LUC7L3: variants seen among roughly 807,000 people sequenced by gnomAD.
LUC7L3 encodes the protein luc7-like protein 3.
Under a neutral mutation model 66.8 loss-of-function variants are expected in LUC7L3, and 6 were observed. The ratio of observed to expected loss-of-function variants is 0.09; its 90% CI spans 0.05 to 0.18. The LOEUF is 0.18. LUC7L3 is among the 10% of genes least tolerant of loss of function. The pLI is 1.00. For synonymous variants in LUC7L3, 160 were observed against 174.7 expected (o/e 0.92, Z 0.66); for missense variants, 341 against 531.1 (o/e 0.64, Z 3.52).
intron 9 of LUC7L3, chr17:50,749,292 T>C (rs1413874160): frequency 7.8e-7 from 1 of 1,289,398 alleles, no homozygotes; most frequent in East Asian, 5.5e-5. Flanking sequence ...TCATTGAAGC[T>C]ACCTGTGCAC....
At chr17:50,739,299 C>A (rs1970193188) in intron 2 of LUC7L3, among the ~76,000 whole-genome samples, 1 of 152,156 alleles carries the variant, frequency 6.6e-6, no homozygotes, top group Non-Finnish European at 1.5e-5. Flanking sequence ...TATTTTGAGT[C>A]ATATGTGAAA....
In LUC7L3 at chr17:50,729,600, A is replaced by G. The variant is rs558001883; in HGVS notation, c.100-7360A>G. On this transcript the variant is annotated intron_variant, in intron 1 of 9. Coordinates refer to ENST00000505658, the MANE Select transcript of LUC7L3 (RefSeq NM_016424.5). ...CACACCCACACTCACCCAGACTGGG[A>G]CTTAGGCATGCCAGTTCACCTACCG... 5.3e-5 allele frequency among the ~76,000 whole-genome samples: 8 copies of G among 152,066 alleles called. No homozygotes were observed. In the South Asian group the frequency reaches 1.0e-3, roughly 20 times the overall value.
At chr17:50,737,970 G>A (rs1349899437) in intron 2 of LUC7L3, 2 of 315,694 alleles carry the variant, frequency 6.3e-6, no homozygotes, top group Non-Finnish European at 1.2e-5. Context: ...AGAGCATTAG[G>A]AGCATATTAA....
chr17:50,733,542 C>T (rs937468316), intron 1 of LUC7L3, among the ~76,000 whole-genome samples: 2 of 151,912 alleles, frequency 1.3e-5, no homozygotes, highest in Non-Finnish European at 2.9e-5. Flanking sequence ...GCTGGGACTA[C>T]AGGCGGCCGC....
chr17:50,722,989 AGTG>A (rs1396224891), intron 1 of LUC7L3: 1 of 152,248 alleles, frequency 6.6e-6, no homozygotes, highest in Non-Finnish European at 1.5e-5. Flanking sequence ...AAACAACCAC[AGTG>A]ATGAGGAAAG....
chr17:50,724,991 C>A (rs372185205), intron 1 of LUC7L3, among the ~76,000 whole-genome samples: 23 of 152,014 alleles, frequency 1.5e-4, no homozygotes, highest in African/African-American at 5.3e-4. Context: ...GAACTTTTGA[C>A]AACAAGTGAT....
chr17:50,751,969 T>G lies in LUC7L3; in HGVS notation c.*1308T>G. The G allele has an allele frequency of 3.9e-6, 4 of 1,027,130 alleles. No homozygotes were observed. The highest frequency in any genetic ancestry group is 4.7e-6 in the Non-Finnish European group (4 of 854,538). The allele number at this position is 1,027,130 out of a possible 1,614,324, so 63.6% of individuals were successfully genotyped here. On this transcript the variant is annotated 3_prime_UTR_variant, in exon 10 of 10. Coordinates refer to ENST00000505658, the MANE Select transcript of LUC7L3 (RefSeq NM_016424.5). ...AGTTGATTTGTTGGTGGCATTCCCCTTTTGGGAAAGCAATGTAAGGTTATG... is the reference window on the plus strand; with the variant it reads ...AGTTGATTTGTTGGTGGCATTCCCCGTTTGGGAAAGCAATGTAAGGTTATG...
In LUC7L3 at chr17:50,744,757, A is replaced by T; in HGVS notation, c.637A>T (p.Met213Leu). The T allele has an allele frequency of 6.2e-7, 1 of 1,614,166 alleles. No individual in the cohort carries two copies. The highest frequency in any genetic ancestry group is 1.7e-5 in the Admixed American group (1 of 60,026). ...DAQSRVDDHLMGKQHMGYAKI... is the reference protein window; with the variant it reads ...DAQSRVDDHLLGKQHMGYAKI... Reference sequence around the variant, plus strand: ...CCAGTCCCGGGTAGATGACCATTTGATGGGAAAACAACACATGGGCTATGC... The same window carrying T: ...CCAGTCCCGGGTAGATGACCATTTGTTGGGAAAACAACACATGGGCTATGC... Residue 213 changes from methionine (M) to leucine (L), a missense_variant, in exon 7 of 10, where the codon ATG becomes TTG. Met to Leu is a conservative substitution (Grantham distance 15, BLOSUM62 2). This residue lies in a region of LUC7L3 where 17 missense variants were observed against 48.2 expected (regional missense o/e 0.35). Transcript: ENST00000505658.
At chr17:50,724,441 A>G (rs1240948803) in intron 1 of LUC7L3, among the ~76,000 whole-genome samples, 1 of 152,036 alleles carries the variant, frequency 6.6e-6, no homozygotes, top group African/African-American at 2.4e-5. Flanking sequence ...GGATCCTTTC[A>G]ACCCAGGAGG....
Position 50,745,709 on chromosome 17 carries a change from G to A in LUC7L3, c.694-11G>A, listed in dbSNP as rs1970630737. 2 of 1,567,550 alleles carry A rather than the reference G, an allele frequency of 1.3e-6. No homozygotes were observed. Among genetic ancestry groups the A allele is most frequent in the Admixed American group, 4.3e-5 (2 of 46,072 alleles). On this transcript the variant is annotated splice_polypyrimidine_tract_variant and intron_variant, in intron 7 of 9. Coordinates refer to ENST00000505658, the MANE Select transcript of LUC7L3 (RefSeq NM_016424.5). ...TTACATTTGCATAAGAATCCAACTT[G>A]ATTTTTCTAGGAAAAGTTAAGGAAA...
At chr17:50,728,834 G>A (rs902850005) in intron 1 of LUC7L3, among the ~76,000 whole-genome samples, 3 of 152,196 alleles carry the variant, frequency 2.0e-5, no homozygotes, top group Non-Finnish European at 2.9e-5. Flanking sequence ...GATTGCAGGT[G>A]TGAGCCACTG....
rs188133012 is a variant in LUC7L3, at chr17:50,756,032, A to C, written c.*5371A>C. 2.6e-5 allele frequency: 4 copies of C among 152,372 alleles called. No homozygotes were observed. Among genetic ancestry groups the C allele is most frequent in the African/African-American group, 9.6e-5 (4 of 41,578 alleles). 9.4% of individuals were successfully genotyped at this position (152,372 alleles called of 1,614,324 possible). On this transcript the variant is annotated 3_prime_UTR_variant, in exon 10 of 10. Transcript: ENST00000505658. ...AATACATGATAAAAGGAAACGATTAAGACAAAATTTAATGTTAGCCGTTTT... is the reference window on the plus strand; with the variant it reads ...AATACATGATAAAAGGAAACGATTACGACAAAATTTAATGTTAGCCGTTTT...
chr17:50,747,939 T>C (rs1970778362), intron 9 of LUC7L3, among the ~76,000 whole-genome samples: 1 of 152,256 alleles, frequency 6.6e-6, no homozygotes, highest in Admixed American at 6.5e-5. Context: ...GATTTAAGAA[T>C]GTTTTACCTA....
chr17:50,730,278 C>T (rs928621691), intron 1 of LUC7L3, among the ~76,000 whole-genome samples: 1 of 151,914 alleles, frequency 6.6e-6, no homozygotes, highest in Non-Finnish European at 1.5e-5. Flanking sequence ...AGTCTATTAT[C>T]TTTATGATAA....
At chr17:50,731,981 A>G (rs1969637873) in intron 1 of LUC7L3, among the ~76,000 whole-genome samples, 1 of 152,200 alleles carries the variant, frequency 6.6e-6, no homozygotes, top group Admixed American at 6.5e-5. Context: ...ATAGGGACCT[A>G]CGAACAGAAG....
Position 50,752,357 on chromosome 17 carries a change from C to A in LUC7L3, c.*1696C>A. ...ATTATTATTAAAAGTTAATTCAGGACTGATGTGACCTACCAGATTTCAGAA... is the reference window on the plus strand; with the variant it reads ...ATTATTATTAAAAGTTAATTCAGGAATGATGTGACCTACCAGATTTCAGAA... On this transcript the variant is annotated 3_prime_UTR_variant, in exon 10 of 10. Transcript: ENST00000505658. 1 of 516,604 alleles carries A rather than the reference C, an allele frequency of 1.9e-6. No homozygotes were observed. Among genetic ancestry groups the A allele is most frequent in the Non-Finnish European group, 2.9e-6 (1 of 344,964 alleles). 32.0% of individuals were successfully genotyped at this position (516,604 alleles called of 1,614,324 possible).
intron 5 of LUC7L3, 56 bp downstream of exon 5, chr17:50,741,787 C>A: frequency 1.5e-6 from 2 of 1,356,250 alleles, no homozygotes; most frequent in Non-Finnish European, 2.1e-6. Context: ...ATGTAACCAG[C>A]AAAAATACAA....
chr17:50,722,597 A>G (rs946572080), intron 1 of LUC7L3: 3 of 152,140 alleles, frequency 2.0e-5, no homozygotes, highest in African/African-American at 7.2e-5. Flanking sequence ...TTAAATCTTA[A>G]TTGGTATTAA....
chr17:50,721,826 G>C (rs1174114809), intron 1 of LUC7L3, among the ~76,000 whole-genome samples: 1 of 151,746 alleles, frequency 6.6e-6, no homozygotes, highest in Non-Finnish European at 1.5e-5. Context: ...ACATATTTTT[G>C]CATTCCTGTT....
Sources: gnomAD v4.1 joint callset for allele counts (sites outside exome capture counted in the v4.1 genomes callset) on GRCh38, gnomAD v4.1.1 for gene constraint, gnomAD v4.1.1 regional missense constraint, MANE v1.5 for transcripts, NCBI Gene and HGNC (gene_info 2026-07-23, HGNC 2026-07-21) for gene names.